PCSK5: variants seen among roughly 807,000 people sequenced by gnomAD.
PCSK5 encodes the protein proprotein convertase subtilisin/kexin type 5, also known as prohormone convertase 5.
A neutral mutation model predicts 233.2 loss-of-function variants in PCSK5; 129 were observed. The ratio of observed to expected loss-of-function variants is 0.55; its 90% CI spans 0.48 to 0.64. PCSK5 has a LOEUF of 0.64. Among genes scored for constraint, PCSK5 ranks in the 30% least tolerant of loss-of-function variants. The probability of loss-of-function intolerance (pLI) is 0.00; values close to 1 mark genes in which losing one functional copy is unlikely to be tolerated. For missense variants in PCSK5, 2,076 were observed against 2,430.1 expected (o/e 0.85, Z 3.06); for synonymous variants, 825 against 879.2 (o/e 0.94, Z 1.09).
At chr9:76,192,288 T>TATC (rs1466421826) in intron 20 of PCSK5, among the ~76,000 whole-genome samples, 2 of 152,096 alleles carry the variant, frequency 1.3e-5, no homozygotes, top group Admixed American at 1.3e-4. Flanking sequence ...AGAAGAATCA[T>TATC]ATCTGCAGTG....
At chr9:76,022,816 G>A (rs1218202018) in intron 3 of PCSK5, among the ~76,000 whole-genome samples, 1 of 152,122 alleles carries the variant, frequency 6.6e-6, no homozygotes, top group African/African-American at 2.4e-5. Context: ...ACACCTTTCT[G>A]GACTTGGCAC....
At chr9:76,074,410 T>G (rs528481833) in intron 7 of PCSK5, among the ~76,000 whole-genome samples, 1 of 152,326 alleles carries the variant, frequency 6.6e-6, no homozygotes, top group African/African-American at 2.4e-5. Flanking sequence ...GTTGAGGTAG[T>G]AACAAAAGAA....
intron 14 of PCSK5, among the ~76,000 whole-genome samples, chr9:76,177,511 A>G (rs1823666803): frequency 6.6e-6 from 1 of 152,252 alleles, no homozygotes; most frequent in Non-Finnish European, 1.5e-5. Flanking sequence ...CTTGAAATTA[A>G]GACCAATTGA....
intron 13 of PCSK5, among the ~76,000 whole-genome samples, chr9:76,173,342 C>T (rs971873087): frequency 1.3e-5 from 2 of 152,022 alleles, no homozygotes; most frequent in Non-Finnish European, 2.9e-5. Flanking sequence ...GGATTCTATG[C>T]ATTCAGCCAA....
chr9:76,005,310 G>C (rs184549911), intron 3 of PCSK5, among the ~76,000 whole-genome samples: 1 of 152,070 alleles, frequency 6.6e-6, no homozygotes, highest in African/African-American at 2.4e-5. Context: ...TGATAATACA[G>C]TTAGGTTAAT....
chr9:76,161,771 T>G (rs1031156639), intron 12 of PCSK5, among the ~76,000 whole-genome samples: 1 of 152,242 alleles, frequency 6.6e-6, no homozygotes, highest in African/African-American at 2.4e-5. Flanking sequence ...CAGGCTCGCA[T>G]GCATTCTTCA....
intron 24 of PCSK5, among the ~76,000 whole-genome samples, chr9:76,246,341 CAAAAAAAAAAAAA>C (rs59806704): frequency 0.053 from 2,800 of 52,794 alleles, 107 homozygotes; most frequent in African/African-American, 0.14. Flanking sequence ...GATTCCATCT[CAAAAAAAAAAAAA>C]AAAAAAAAAA....
rs2131459261 is a variant in PCSK5 at position 76,321,279 on chromosome 9, A to G, written c.3885-143A>G. 3.4e-6 allele frequency: 2 copies of G among 591,610 alleles called. 1 individual carries two copies. Among genetic ancestry groups the G allele is most frequent in the South Asian group, 4.2e-5 (2 of 47,942 alleles). 36.6% of individuals were successfully genotyped at this position (591,610 alleles called of 1,614,324 possible). On this transcript the variant is annotated intron_variant, in intron 30 of 37. Coordinates refer to ENST00000674117, the MANE Select transcript of PCSK5 (RefSeq NM_001372043.1). ...TTCCATTTTTCTGAATGTTCTTTTC[A>G]CTTCCTTATAAATCCCATGGATGCC... is the stretch of plus-strand genomic sequence containing the variant.
intron 2 of PCSK5, among the ~76,000 whole-genome samples, chr9:75,961,217 G>A (rs1157191731): frequency 6.6e-6 from 1 of 152,180 alleles, no homozygotes; most frequent in Non-Finnish European, 1.5e-5. Flanking sequence ...TGGTGGCCCA[G>A]CCCCTGGGGC....
intron 37 of PCSK5, among the ~76,000 whole-genome samples, chr9:76,355,307 C>T (rs1449638996): frequency 2.0e-5 from 3 of 152,074 alleles, no homozygotes; most frequent in African/African-American, 4.8e-5. Flanking sequence ...CCTGTCTCTA[C>T]TAAAAATACA....
intron 10 of PCSK5, among the ~76,000 whole-genome samples, chr9:76,141,682 T>A (rs1823232522): frequency 6.6e-6 from 1 of 151,922 alleles, no homozygotes; most frequent in African/African-American, 2.4e-5. Context: ...TCCCTATAGA[T>A]GAGATTGTCT....
chr9:76,140,489 C>T (rs550183970), intron 10 of PCSK5, among the ~76,000 whole-genome samples: 115 of 152,098 alleles, frequency 7.6e-4, no homozygotes, highest in African/African-American at 2.7e-3. Context: ...TATCTTCATA[C>T]ATGAAGCTTT....
chr9:76,062,243 G>A (rs1009354195), intron 5 of PCSK5, among the ~76,000 whole-genome samples: 7 of 151,044 alleles, frequency 4.6e-5, no homozygotes, highest in African/African-American at 1.5e-4. Context: ...GCAAGAGCCC[G>A]TCTCCTAAAA....
chr9:76,188,981 TATTAA>T, intron 18 of PCSK5, 108 bp from the exon 19 acceptor site: 2 of 911,312 alleles, frequency 2.2e-6, no homozygotes, highest in Non-Finnish European at 3.2e-6. Context: ...AAAGCATGAA[TATTAA>T]ATTATTATTC....
intron 1 of PCSK5, among the ~76,000 whole-genome samples, chr9:75,908,303 G>A (rs1449257326): frequency 1.3e-5 from 2 of 152,218 alleles, no homozygotes; most frequent in Non-Finnish European, 2.9e-5. Context: ...AGAGGGAAAG[G>A]TGAATTGTAT....
At chr9:75,946,760 T>A (rs1824592014) in intron 2 of PCSK5, among the ~76,000 whole-genome samples, 1 of 152,124 alleles carries the variant, frequency 6.6e-6, no homozygotes, top group Non-Finnish European at 1.5e-5. Context: ...GCTAATTTTT[T>A]TGTATTTTTG....
intron 9 of PCSK5, among the ~76,000 whole-genome samples, chr9:76,130,063 A>G (rs1180492112): frequency 1.3e-5 from 2 of 152,166 alleles, no homozygotes; most frequent in Admixed American, 6.5e-5. Flanking sequence ...GGTATGCAAT[A>G]ATACACTGAT....
chr9:76,103,155 A>T (rs2131670724), intron 8 of PCSK5, among the ~76,000 whole-genome samples: 1 of 152,306 alleles, frequency 6.6e-6, no homozygotes, highest in South Asian at 2.1e-4. Context: ...TACTGTGCTT[A>T]ATAAATCAGC....
At position 76,158,240 on chromosome 9, in the gene PCSK5, T is replaced by G. The variant is rs983321620; in HGVS notation, c.1431-743T>G. 2.6e-5 allele frequency among the ~76,000 whole-genome samples: 4 copies of G among 152,264 alleles called. No individual in the cohort carries two copies. In the East Asian group the frequency reaches 7.7e-4, roughly 29 times the overall value. On this transcript the variant is annotated intron_variant, in intron 11 of 37. Coordinates refer to ENST00000674117, the MANE Select transcript of PCSK5 (RefSeq NM_001372043.1). ...TGAAAAATAAGAGATAGGGGACATA[T>G]TTTCACCTGTGGCTCGATGAAGGTC...
Sources: allele counts gnomAD v4.1 joint callset (sites outside exome capture counted in the v4.1 genomes callset), GRCh38; gene constraint gnomAD v4.1.1; transcripts MANE v1.5; gene names NCBI Gene and HGNC (gene_info 2026-07-23, HGNC 2026-07-21).